The following MAST2 variants were observed in gnomAD, a reference collection of about 807,000 sequenced individuals.
MAST2 encodes microtubule associated serine/threonine kinase 2.
In MAST2, 70 loss-of-function variants were observed where a neutral mutation model predicts 147.4. The ratio of observed to expected loss-of-function variants is 0.47; its 90% CI spans 0.39 to 0.58. The LOEUF is 0.58. Among genes scored for constraint, MAST2 ranks in the 20% least tolerant of loss-of-function variants. The pLI is 0.00. For synonymous variants in MAST2, 869 were observed against 896.8 expected (o/e 0.97, Z 0.55); for missense variants, 2,080 against 2,302.3 (o/e 0.90, Z 1.98).
At chr1:45,885,718 T>A in intron 4 of MAST2, among the ~76,000 whole-genome samples, 1 of 152,196 alleles carries the variant, frequency 6.6e-6, no homozygotes, top group Admixed American at 6.5e-5. Context: ...AATCTTTCCA[T>A]CCATGCATCC....
At chr1:45,943,795 A>T (rs746471403) in intron 4 of MAST2, among the ~76,000 whole-genome samples, 1 of 152,196 alleles carries the variant, frequency 6.6e-6, no homozygotes, top group Non-Finnish European at 1.5e-5. Flanking sequence ...CTTTAAAGAT[A>T]ATAATGCACT....
chr1:45,864,361 G>C (rs1646075053), intron 3 of MAST2, among the ~76,000 whole-genome samples: 2 of 152,182 alleles, frequency 1.3e-5, no homozygotes, highest in African/African-American at 4.8e-5. Flanking sequence ...TAAAAGAGCA[G>C]GGAAACCGAC....
chr1:45,827,950 G>GGA, intron 2 of MAST2, among the ~76,000 whole-genome samples: 1 of 151,614 alleles, frequency 6.6e-6, no homozygotes, highest in Non-Finnish European at 1.5e-5. Flanking sequence ...CTTCTCCTCA[G>GGA]CCTCCTGAGT....
intron 5 of MAST2, among the ~76,000 whole-genome samples, chr1:45,992,667 C>CT (rs34973544): frequency 6.6e-6 from 1 of 151,950 alleles, no homozygotes. Flanking sequence ...GAAACAGGTG[C>CT]TTTTTTTGGA....
At chr1:45,839,514 C>T (rs1645210066) in intron 3 of MAST2, among the ~76,000 whole-genome samples, 1 of 152,120 alleles carries the variant, frequency 6.6e-6, no homozygotes, top group Non-Finnish European at 1.5e-5. Flanking sequence ...CTCAAGCAAT[C>T]CTCCTGCCCT....
chr1:46,025,264 A>G (rs928332060), intron 15 of MAST2, among the ~76,000 whole-genome samples: 1 of 152,232 alleles, frequency 6.6e-6, no homozygotes, highest in African/African-American at 2.4e-5. Flanking sequence ...GGTTGCGGTG[A>G]GCTGATATCA....
intron 4 of MAST2, among the ~76,000 whole-genome samples, chr1:45,927,162 C>T (rs1378794963): frequency 1.3e-5 from 2 of 152,098 alleles, no homozygotes; most frequent in African/African-American, 4.8e-5. Context: ...ACATCAAGTA[C>T]TTAACAGGGT....
intron 5 of MAST2, among the ~76,000 whole-genome samples, chr1:45,990,193 C>A (rs1367579293): frequency 6.6e-6 from 1 of 152,220 alleles, no homozygotes. Context: ...TTCCTACTAA[C>A]AATAACAAGA....
intron 3 of MAST2, among the ~76,000 whole-genome samples, chr1:45,836,304 T>C (rs987535896): frequency 2.0e-5 from 3 of 152,196 alleles, no homozygotes; most frequent in Admixed American, 6.5e-5. Flanking sequence ...TCAAGTGGTG[T>C]CTTATTGTGG....
chr1:45,843,766 G>A (rs1416434628), intron 3 of MAST2, among the ~76,000 whole-genome samples: 2 of 152,126 alleles, frequency 1.3e-5, no homozygotes, highest in South Asian at 2.1e-4. Context: ...TTTTGTAAGA[G>A]GAACTTGTTT....
At chr1:45,806,851 A>G (rs1644157570) in intron 1 of MAST2, among the ~76,000 whole-genome samples, 1 of 152,196 alleles carries the variant, frequency 6.6e-6, no homozygotes, top group South Asian at 2.1e-4. Context: ...TGCTGGGATT[A>G]CAGGCGTGAA....
At position 46,032,345 on chromosome 1, in the gene MAST2, C is replaced by A. The variant is rs768117856; in HGVS notation, c.3355C>A (p.Arg1119=). ...TGGCAAGAAGTATGGCTTCACCCTG[C>A]GGGCCATTCGCGTCTACATGGGTGA... is the stretch of plus-strand genomic sequence containing the variant. ...RAGKKYGFTL[R]AIRVYMGDSD... is the part of the protein sequence containing the mutation. The change falls in exon 25 of 29, where the codon CGG becomes AGG. Residue 1119 remains arginine (R), a synonymous_variant. Transcript: ENST00000361297. 1 of 1,614,234 alleles carries A rather than the reference C, an allele frequency of 6.2e-7. No individual in the cohort carries two copies. The highest frequency in any genetic ancestry group is 8.5e-7 in the Non-Finnish European group (1 of 1,180,048).
At chr1:45,989,583 A>G (rs1644780992) in intron 5 of MAST2, among the ~76,000 whole-genome samples, 1 of 152,110 alleles carries the variant, frequency 6.6e-6, no homozygotes, top group African/African-American at 2.4e-5. Flanking sequence ...TTTAGAGGTG[A>G]CAAACCAAGG....
intron 4 of MAST2, among the ~76,000 whole-genome samples, chr1:45,924,731 T>G (rs555674701): frequency 2.1e-4 from 32 of 152,326 alleles, no homozygotes; most frequent in African/African-American, 7.2e-4. Context: ...GTCACTGTAT[T>G]TGGAGACAGG....
intron 5 of MAST2, among the ~76,000 whole-genome samples, chr1:45,975,348 G>A (rs1644093350): frequency 1.3e-5 from 2 of 152,026 alleles, no homozygotes; most frequent in Admixed American, 1.3e-4. Context: ...TATATGATTA[G>A]GAAATTAACA....
chr1:45,852,737 A>G (rs539980688), intron 3 of MAST2, among the ~76,000 whole-genome samples: 5 of 152,112 alleles, frequency 3.3e-5, no homozygotes, highest in African/African-American at 7.2e-5. Context: ...TTCAGTAAGT[A>G]TAATGTTTTT....
intron 5 of MAST2, among the ~76,000 whole-genome samples, chr1:45,966,193 A>G (rs1661170150): frequency 6.6e-6 from 1 of 152,090 alleles, no homozygotes; most frequent in Non-Finnish European, 1.5e-5. Flanking sequence ...CCATGGCTTG[A>G]TAGCTCATTT....
At chr1:45,845,272 G>A (rs375138076) in intron 3 of MAST2, among the ~76,000 whole-genome samples, 21 of 152,232 alleles carry the variant, frequency 1.4e-4, no homozygotes, top group Middle Eastern at 6.8e-3. Context: ...AGTTATAAGA[G>A]CAGGTTTTGT....
At chr1:45,908,557 A>G (rs1047501515) in intron 4 of MAST2, among the ~76,000 whole-genome samples, 45 of 152,324 alleles carry the variant, frequency 3.0e-4, no homozygotes, top group Admixed American at 2.7e-3. Flanking sequence ...ATTTAGAAAT[A>G]TGTGGTTTCG....
Sources: gnomAD v4.1 joint callset for allele counts (sites outside exome capture counted in the v4.1 genomes callset) on GRCh38, gnomAD v4.1.1 for gene constraint, MANE v1.5 for transcripts, NCBI Gene and HGNC (gene_info 2026-07-23, HGNC 2026-07-21) for gene names.